Variants in CHODL observed in about 807,000 individuals in gnomAD.
CHODL encodes transmembrane protein MT75.
A neutral mutation model predicts 34.5 loss-of-function variants in CHODL; 29 were observed. The ratio of observed to expected loss-of-function variants is 0.84; its 90% CI spans 0.63 to 1.15. CHODL has a LOEUF of 1.15. Ranked by LOEUF, CHODL falls within the 50% of genes most tolerant of loss-of-function variation. CHODL has a pLI of 0.00. For missense variants in CHODL, 332 were observed against 332.5 expected, an observed-to-expected ratio of 1.00 and a Z score of 0.01; for synonymous variants, 125 against 116.1, an observed-to-expected ratio of 1.08 and a Z score of -0.49.
chr21:18,206,203 G>A (rs1001107263), intron 2 of CHODL, among the ~76,000 whole-genome samples: 12 of 152,128 alleles, frequency 7.9e-5, no homozygotes, highest in African/African-American at 2.9e-4. Context: ...CTTTCTGTCT[G>A]GATGACTTGT....
At chr21:18,211,697 A>C (rs1374012743) in intron 2 of CHODL, among the ~76,000 whole-genome samples, 1 of 152,204 alleles carries the variant, frequency 6.6e-6, no homozygotes, top group Admixed American at 6.5e-5. Context: ...ATGATGGCAA[A>C]AGTCATCAAT....
intron 2 of CHODL, among the ~76,000 whole-genome samples, chr21:18,095,700 A>T (rs1021895544): frequency 7.2e-5 from 11 of 152,208 alleles, no homozygotes; most frequent in Non-Finnish European, 1.5e-5. Flanking sequence ...GACAGATTCA[A>T]AAAAGAAAAC....
chr21:18,165,005 TA>T (rs1432412338), intron 2 of CHODL, among the ~76,000 whole-genome samples: 2 of 152,180 alleles, frequency 1.3e-5, no homozygotes, highest in African/African-American at 4.8e-5. Flanking sequence ...ATCACATTGG[TA>T]CAGTGTTTTC....
chr21:18,096,600 T>C (rs944994843), intron 2 of CHODL, among the ~76,000 whole-genome samples: 1 of 152,158 alleles, frequency 6.6e-6, no homozygotes, highest in African/African-American at 2.4e-5. Flanking sequence ...TTGCTAGGAT[T>C]AGGAAATTCC....
intron 5 of CHODL, 84 bp from the exon 6 acceptor site, chr21:18,265,870 T>C: frequency 2.8e-6 from 3 of 1,073,364 alleles, no homozygotes; most frequent in Non-Finnish European, 4.0e-6. Context: ...TAAATAACTG[T>C]CTGAGATATC....
At chr21:18,236,072 G>C (rs9985037) in intron 2 of CHODL, among the ~76,000 whole-genome samples, 27,691 of 151,988 alleles carry the variant, frequency 0.18, 3,202 homozygotes, top group African/African-American at 0.34. Context: ...CCCAGGACTG[G>C]GTAATTTACA....
chr21:18,028,277 C>CCCTTCCTTCCTTCCTTCCTTCCTT (rs1555853374), intron 2 of CHODL, among the ~76,000 whole-genome samples: 5 of 98,934 alleles, frequency 5.1e-5, no homozygotes, highest in Admixed American at 1.1e-4. Context: ...TTTCCTTTTC[C>CCCTTCCTTCCTTCCTTCCTTCCTT]CCTTCCTTCC....
At chr21:18,149,316 T>G (rs1201576950) in intron 2 of CHODL, among the ~76,000 whole-genome samples, 1 of 152,216 alleles carries the variant, frequency 6.6e-6, no homozygotes, top group Non-Finnish European at 1.5e-5. Flanking sequence ...GCCTAATCGC[T>G]GTTTCTCCAT....
intron 2 of CHODL, among the ~76,000 whole-genome samples, chr21:18,094,815 A>T (rs984964358): frequency 2.0e-5 from 3 of 151,866 alleles, no homozygotes; most frequent in African/African-American, 7.2e-5. Flanking sequence ...GGAACCAAAC[A>T]CAAAATTAGT....
intron 2 of CHODL, among the ~76,000 whole-genome samples, chr21:18,100,342 A>G (rs545375352): frequency 3.0e-4 from 45 of 152,210 alleles, no homozygotes; most frequent in African/African-American, 1.1e-3. Context: ...TAATGTCTTT[A>G]TAAGGATAGA....
At chr21:18,194,866 G>A (rs2897336) in intron 2 of CHODL, among the ~76,000 whole-genome samples, 9,198 of 151,654 alleles carry the variant, frequency 0.061, 304 homozygotes, top group African/African-American at 0.07. Context: ...GTTGTGTACA[G>A]CATGTTGTTT....
In CHODL at chr21:18,256,515, A is replaced by G. The variant is rs766842939; in HGVS notation, c.86A>G (p.Lys29Arg). ...AFCRRVVSGQ[K>R]VCFADFKHPC... ...ATCTTTTTTTTTTTTTCAGGCCAAA[A>G]GGTGTGTTTTGCTGACTTCAAGCAT... Residue 29 changes from lysine (K) to arginine (R), a missense_variant, in exon 2 of 6, where the codon AAG (lysine) becomes AGG (arginine). Physicochemically the swap from Lys to Arg is conservative, Grantham distance 26 (BLOSUM62 2). Transcript: ENST00000299295. The G allele has an allele frequency of 6.3e-7, 1 of 1,599,110 alleles. No homozygotes were observed. Among genetic ancestry groups the G allele is most frequent in the South Asian group, 1.1e-5 (1 of 89,472 alleles).
intron 2 of CHODL, among the ~76,000 whole-genome samples, chr21:18,168,575 T>C (rs967778571): frequency 2.0e-5 from 3 of 152,248 alleles, no homozygotes; most frequent in African/African-American, 7.2e-5. Flanking sequence ...ATGTCTTCTA[T>C]GGAGAAATAT....
chr21:18,224,260 C>T (rs1057050987), intron 2 of CHODL, among the ~76,000 whole-genome samples: 3 of 152,102 alleles, frequency 2.0e-5, no homozygotes, highest in South Asian at 2.1e-4. Flanking sequence ...AGCCACTGAT[C>T]GGCTAGAATA....
rs2073545152 is a variant in CHODL at position 18,193,718 on chromosome 21, AATAAAT to A, written c.-44-62789_-44-62784del. Among the ~76,000 whole-genome samples the A allele has an allele frequency of 2.1e-5, 3 of 144,532 alleles. No individual in the cohort carries two copies. The Admixed American group carries it at 2.2e-4, about 10-fold the overall frequency. The allele number at this position is 144,532 out of a possible 152,430, so 94.8% of individuals were successfully genotyped here. On this transcript the variant is annotated intron_variant, in intron 2 of 6. Transcript: ENST00000400127. Reference sequence around the variant, plus strand: ...CTCAGAAAAAAAAAAAAATAAAATAAATAAATAAATAAATAAATAAATAAATAAAAA... The same window carrying A: ...CTCAGAAAAAAAAAAAAATAAAATAAAAATAAATAAATAAATAAATAAAAA...
chr21:18,232,948 T>TATATATATATATATAC (rs2073995220), intron 2 of CHODL, among the ~76,000 whole-genome samples: 1 of 136,692 alleles, frequency 7.3e-6, no homozygotes, highest in African/African-American at 3.1e-5. Flanking sequence ...TTATGATATA[T>TATATATATATATATAC]ATATATATAT....
intron 2 of CHODL, among the ~76,000 whole-genome samples, chr21:18,208,947 C>T (rs1429984213): frequency 6.6e-6 from 1 of 150,960 alleles, no homozygotes; most frequent in Non-Finnish European, 1.5e-5. Context: ...CCTCCACCAC[C>T]GGAACTGTGC....
intron 2 of CHODL, among the ~76,000 whole-genome samples, chr21:18,074,025 G>A (rs1282917471): frequency 2.6e-5 from 4 of 152,052 alleles, no homozygotes; most frequent in Non-Finnish European, 5.9e-5. Context: ...AGATGTGTGA[G>A]CTGAAATGTC....
chr21:18,044,482 T>G (rs1322233643), intron 2 of CHODL, among the ~76,000 whole-genome samples: 1 of 151,948 alleles, frequency 6.6e-6, no homozygotes, highest in Non-Finnish European at 1.5e-5. Flanking sequence ...CTGTTTTAAC[T>G]AACAACATTG....
Sources: gnomAD v4.1 joint callset for allele counts (sites outside exome capture counted in the v4.1 genomes callset) on GRCh38, gnomAD v4.1.1 for gene constraint, MANE v1.5 for transcripts, NCBI Gene and HGNC (gene_info 2026-07-23, HGNC 2026-07-21) for gene names.